PKD1L1: variants seen among roughly 807,000 people sequenced by gnomAD.
PKD1L1 encodes the protein polycystin-1-like protein 1.
Under a neutral mutation model 323.4 loss-of-function variants are expected in PKD1L1, and 236 were observed. The observed-to-expected ratio is 0.73, with a 90% CI of 0.66 to 0.81. The LOEUF (loss-of-function observed/expected upper bound fraction) is 0.81. PKD1L1 is among the 40% of genes least tolerant of loss of function. The probability of loss-of-function intolerance (pLI) is 0.00; values close to 1 mark genes in which losing one functional copy is unlikely to be tolerated. For synonymous variants in PKD1L1, 1,344 were observed against 1,335.0 expected (o/e 1.01, Z -0.15); for missense variants, 3,320 against 3,508.0 (o/e 0.95, Z 1.35).
intron 45 of PKD1L1, 32 bp downstream of exon 45, chr7:47,827,318 A>G: frequency 6.4e-7 from 1 of 1,556,332 alleles, no homozygotes; most frequent in Non-Finnish European, 8.8e-7. Context: ...GCTGGAGTGG[A>G]GCAAGCCCTC....
chr7:47,812,264 C>A (rs1342249179), intron 49 of PKD1L1, among the ~76,000 whole-genome samples: 1 of 152,130 alleles, frequency 6.6e-6, no homozygotes, highest in Admixed American at 6.5e-5. Flanking sequence ...GCCCCACCCT[C>A]TTCCCTGCAG....
At chr7:47,846,747 G>A in intron 32 of PKD1L1, 132 bp downstream of exon 32, 1 of 800,426 alleles carries the variant, frequency 1.2e-6, no homozygotes. Context: ...AGGCTGGAGA[G>A]TTGTACAAAC....
At chr7:47,775,252 C>T (rs2128720059) in intron 56 of PKD1L1, 86 bp from the exon 57 acceptor site, 1 of 1,485,860 alleles carries the variant, frequency 6.7e-7, no homozygotes, top group Non-Finnish European at 9.3e-7. Flanking sequence ...GCAGCAAGTG[C>T]TGATCAGACC....
rs1431264236 is a variant in PKD1L1, at chr7:47,873,911, A to G, written c.3884T>C (p.Leu1295Pro). ...VLPRYHGNDC[L>P]GEDLYNSSLK... ...TTGTGTTACTCACAGGTCCTCGCCC[A>G]GACAGTCATTTCCATGGTAGCGGGG... The change falls in exon 24 of 57, where the codon CTG (leucine) becomes CCG (proline). Residue 1295 changes from leucine to proline, a missense_variant. Coordinates refer to ENST00000289672, the MANE Select transcript of PKD1L1 (RefSeq NM_138295.5). 6.2e-7 allele frequency: 1 copy of G among 1,613,594 alleles called. No homozygotes were observed. The highest frequency in any genetic ancestry group is 8.5e-7 in the Non-Finnish European group (1 of 1,179,666).
intron 42 of PKD1L1, 148 bp downstream of exon 42, chr7:47,831,069 A>T (rs1000501707): frequency 1.2e-5 from 14 of 1,132,300 alleles, no homozygotes; most frequent in Non-Finnish European, 1.4e-5. Context: ...TTACCCCAGG[A>T]GATGGGAGGG....
At chr7:47,850,199 A>G (rs1785749707) in intron 31 of PKD1L1, among the ~76,000 whole-genome samples, 1 of 152,248 alleles carries the variant, frequency 6.6e-6, no homozygotes, top group Admixed American at 6.5e-5. Flanking sequence ...AATGAAAACA[A>G]TTACCTATAA....
At chr7:47,956,073 A>G in the PKD1L1 span, among the ~76,000 whole-genome samples, 1 of 152,198 alleles carries the variant, frequency 6.6e-6, no homozygotes, top group Admixed American at 6.5e-5. Context: ...CAACTAGCAA[A>G]TACCCAGTGG....
At chr7:47,874,132 G>C (rs755654454) in intron 23 of PKD1L1, 122 bp from the exon 24 acceptor site, 2 of 644,484 alleles carry the variant, frequency 3.1e-6, no homozygotes, top group Non-Finnish European at 5.4e-6. Context: ...AAAGGGGCCA[G>C]GCTCCGAGCC....
rs188774571 is a variant in PKD1L1, at chr7:47,840,616, A to G, written c.5446-49T>C. 1,083 of 1,389,052 alleles carry G rather than the reference A, an allele frequency of 7.8e-4. 3 individuals are homozygous for G. Among genetic ancestry groups the G allele is most frequent in the Non-Finnish European group, 6.1e-4 (601 of 978,594 alleles). The allele number at this position is 1,389,052 out of a possible 1,614,324, so 86.0% of individuals were successfully genotyped here. ...GAACTCAGGCTATTTCACAGCAGAC[A>G]CCATGCAATGCTGGGCAGGGCTTCC... On this transcript the variant is annotated intron_variant, in intron 34 of 56. Transcript: ENST00000289672. This position sits in a 1 kb window ranked among gnomAD's most constrained non-coding sequence, Gnocchi z 4.1.
Position 47,840,542 on chromosome 7 carries a change from T to C in PKD1L1, c.5471A>G (p.Asn1824Ser), listed in dbSNP as rs145025057. Residue 1824 changes from asparagine to serine, a missense_variant, in exon 35 of 57, where the codon AAT (asparagine) becomes AGT (serine). Transcript: ENST00000289672. This position sits in a 1 kb window ranked among gnomAD's most constrained non-coding sequence, Gnocchi z 4.1. Reference protein sequence around the residue: ...SKVYIVLCGDNGLSETKELSC... With the variant: ...SKVYIVLCGDSGLSETKELSC... Reference sequence around the variant, plus strand: ...GAGCTCCTTGGTTTCTGACAGTCCATTGTCGCCACATAAAACAATGTACAC... The same window carrying C: ...GAGCTCCTTGGTTTCTGACAGTCCACTGTCGCCACATAAAACAATGTACAC... 5 of 1,614,086 alleles carry C rather than the reference T, an allele frequency of 3.1e-6. No individual in the cohort carries two copies. The South Asian group carries it at 3.3e-5, about 11-fold the overall frequency.
intron 26 of PKD1L1, among the ~76,000 whole-genome samples, chr7:47,862,727 G>A (rs1039578015): frequency 6.6e-6 from 1 of 152,174 alleles, no homozygotes; most frequent in African/African-American, 2.4e-5. Flanking sequence ...AAAGCCAAGG[G>A]GAGGGCACAG....
chr7:47,900,306 T>C (rs540841693), intron 13 of PKD1L1, among the ~76,000 whole-genome samples: 1 of 152,270 alleles, frequency 6.6e-6, no homozygotes, highest in East Asian at 1.9e-4. Context: ...TACAAAAACA[T>C]CTCTAGGCTT....
At chr7:47,849,743 T>C (rs570856075) in intron 31 of PKD1L1, among the ~76,000 whole-genome samples, 1 of 152,334 alleles carries the variant, frequency 6.6e-6, no homozygotes, top group South Asian at 2.1e-4. Flanking sequence ...CCTGTGGGAA[T>C]GTAAACTAGT....
At chr7:47,863,347 G>A (rs1034061881) in intron 26 of PKD1L1, among the ~76,000 whole-genome samples, 3 of 152,092 alleles carry the variant, frequency 2.0e-5, no homozygotes, top group African/African-American at 7.3e-5. Context: ...GGGAGCTTGA[G>A]TCAGCTTTGG....
chr7:47,823,739 C>T (rs1785191538), intron 45 of PKD1L1, among the ~76,000 whole-genome samples: 1 of 152,186 alleles, frequency 6.6e-6, no homozygotes, highest in Admixed American at 6.5e-5. Context: ...GGCTCTAATT[C>T]TATTACCTGG....
chr7:47,893,594 A>G lies in PKD1L1; in HGVS notation c.2453+284T>C, dbSNP rs187500648. On this transcript the variant is annotated intron_variant, in intron 15 of 56. Coordinates refer to ENST00000289672, the MANE Select transcript of PKD1L1 (RefSeq NM_138295.5). Reference sequence around the variant, plus strand: ...CCCGTGGAAACCAAGCCTTCCACACACCACGGCATCTCACTAACCAAGAAT... The same window carrying G: ...CCCGTGGAAACCAAGCCTTCCACACGCCACGGCATCTCACTAACCAAGAAT... Among the ~76,000 whole-genome samples the G allele has an allele frequency of 2.0e-3, 304 of 152,282 alleles. 1 individual carries two copies. The highest frequency in any genetic ancestry group is 3.1e-3 in the Non-Finnish European group (211 of 68,010).
intron 28 of PKD1L1, among the ~76,000 whole-genome samples, chr7:47,855,859 G>A (rs1264512636): frequency 1.6e-5 from 1 of 61,870 alleles, no homozygotes; most frequent in African/African-American, 1.1e-4. Context: ...CTGGGCGACA[G>A]AGCGAGACTC....
At chr7:47,818,440 A>G (rs968983825) in intron 46 of PKD1L1, among the ~76,000 whole-genome samples, 1 of 152,230 alleles carries the variant, frequency 6.6e-6, no homozygotes, top group African/African-American at 2.4e-5. Context: ...TAAAGTATAG[A>G]CATTATAGCC....
At chr7:47,954,986 AC>A in the PKD1L1 span, among the ~76,000 whole-genome samples, 1 of 152,192 alleles carries the variant, frequency 6.6e-6, no homozygotes, top group Non-Finnish European at 1.5e-5. Flanking sequence ...TTCTCGTGCT[AC>A]CCACAGGGTC....
Sources: gnomAD v4.1 joint callset for allele counts (sites outside exome capture counted in the v4.1 genomes callset) on GRCh38, gnomAD v4.1.1 for gene constraint, Gnocchi (gnomAD v3.1) non-coding constraint, MANE v1.5 for transcripts, NCBI Gene and HGNC (gene_info 2026-07-23, HGNC 2026-07-21) for gene names.